The following FOXN3 variants were observed in gnomAD, a reference collection of about 807,000 sequenced individuals.
FOXN3 encodes the protein forkhead box N3.
FOXN3 carries 7 observed loss-of-function variants against 38.4 expected under a neutral mutation model. The ratio of observed to expected loss-of-function variants is 0.18; its 90% CI spans 0.10 to 0.34. The LOEUF is 0.34. Ranked by LOEUF, FOXN3 falls within the 10% of genes least tolerant of loss-of-function variation. The pLI, the probability that FOXN3 is intolerant of heterozygous loss-of-function variation, is 1.00. For synonymous variants in FOXN3, 230 were observed against 242.2 expected (o/e 0.95, Z 0.47); for missense variants, 456 against 613.4 (o/e 0.74, Z 2.71).
At chr14:89,269,217 A>G (rs1886071902) in intron 4 of FOXN3, among the ~76,000 whole-genome samples, 1 of 152,188 alleles carries the variant, frequency 6.6e-6, no homozygotes, top group African/African-American at 2.4e-5. Flanking sequence ...AAGCCCCATT[A>G]GAAATCACAG....
chr14:89,254,909 C>CGCACTTAGCA (rs1308068456), intron 4 of FOXN3, among the ~76,000 whole-genome samples: 6 of 152,240 alleles, frequency 3.9e-5, no homozygotes, highest in Non-Finnish European at 8.8e-5. Context: ...CCACTAACGA[C>CGCACTTAGCA]GCACTTAGCA....
At chr14:89,198,106 A>G (rs114227682) in intron 4 of FOXN3, among the ~76,000 whole-genome samples, 1,755 of 152,300 alleles carry the variant, frequency 0.012, 35 homozygotes, top group African/African-American at 0.04. Flanking sequence ...AATATTAGGG[A>G]AAAATAATTC....
intron 1 of FOXN3, among the ~76,000 whole-genome samples, chr14:89,478,767 A>G (rs1362194785): frequency 6.6e-6 from 1 of 151,848 alleles, no homozygotes; most frequent in Non-Finnish European, 1.5e-5. Flanking sequence ...CCCTGTCTCT[A>G]CTGAAAATAC....
chr14:89,544,714 C>A (rs1024371660), intron 1 of FOXN3, among the ~76,000 whole-genome samples: 1 of 152,148 alleles, frequency 6.6e-6, no homozygotes, highest in African/African-American at 2.4e-5. Flanking sequence ...TAGTACCAAA[C>A]CTTACACACC....
At chr14:89,498,895 T>C (rs981163928) in intron 1 of FOXN3, among the ~76,000 whole-genome samples, 3 of 152,180 alleles carry the variant, frequency 2.0e-5, no homozygotes, top group African/African-American at 7.2e-5. Context: ...CGCTTTGCGA[T>C]GAAAAGCTTT....
In FOXN3 at chr14:89,261,736, T is replaced by C. The variant is rs182830207; in HGVS notation, c.745+19214A>G. Among the ~76,000 whole-genome samples, 265 of 152,176 alleles carry C rather than the reference T, an allele frequency of 1.7e-3. 2 individuals are homozygous for C. Among genetic ancestry groups the C allele is most frequent in the African/African-American group, 6.1e-3 (252 of 41,532 alleles). On this transcript the variant is annotated intron_variant, in intron 4 of 5. Coordinates refer to ENST00000557258, the MANE Select transcript of FOXN3 (RefSeq NM_005197.4). ...CGAGGTCAGGAGATCGAGACCATCCTGGCTAACACGATGAAACCCCGTCTC... is the reference window on the plus strand; with the variant it reads ...CGAGGTCAGGAGATCGAGACCATCCCGGCTAACACGATGAAACCCCGTCTC...
intron 1 of FOXN3, among the ~76,000 whole-genome samples, chr14:89,430,298 C>T (rs1892127933): frequency 1.3e-5 from 2 of 152,292 alleles, no homozygotes; most frequent in South Asian, 4.1e-4. Context: ...TGCTTCAAAA[C>T]CTTACCATAC....
rs550668634 is a variant in FOXN3 at position 89,362,828 on chromosome 14, C to T, written c.544-12020G>A. Among the ~76,000 whole-genome samples, 6 of 146,024 alleles carry T rather than the reference C, an allele frequency of 4.1e-5. No homozygotes were observed. The South Asian group carries it at 1.3e-3, about 33-fold the overall frequency. On this transcript the variant is annotated intron_variant, in intron 2 of 5. Transcript: ENST00000557258. ...ACCTCCACCACCACCACCACCAGGC[C>T]AGAATGCAGACTTCAGTGGGTCACA...
At position 89,252,700 on chromosome 14, in the gene FOXN3, G is replaced by A. The variant is rs149019703; in HGVS notation, c.745+28250C>T. 7.6e-4 allele frequency among the ~76,000 whole-genome samples: 115 copies of A among 150,962 alleles called. 1 individual carries two copies. The highest frequency in any genetic ancestry group is 2.5e-3 in the African/African-American group (101 of 41,046). On this transcript the variant is annotated intron_variant, in intron 4 of 5. Transcript: ENST00000557258. ...TCAGGAAATTTTACATAAATATCTC[G>A]AAGAGGTGTGTGAAGATATGAGGAC...
At chr14:89,245,818 C>T (rs1885278067) in intron 4 of FOXN3, among the ~76,000 whole-genome samples, 3 of 152,200 alleles carry the variant, frequency 2.0e-5, no homozygotes, top group Admixed American at 2.0e-4. Flanking sequence ...GCCGGAGAGG[C>T]AGCCCCCTGA....
intron 1 of FOXN3, among the ~76,000 whole-genome samples, chr14:89,584,660 C>T (rs72705437): frequency 0.03 from 4,604 of 152,154 alleles, 100 homozygotes; most frequent in Non-Finnish European, 0.047. Flanking sequence ...TATTTGTCAT[C>T]CATATATCTC....
At chr14:89,607,991 T>TC (rs1896307895) in intron 1 of FOXN3, among the ~76,000 whole-genome samples, 2 of 150,920 alleles carry the variant, frequency 1.3e-5, no homozygotes, top group South Asian at 4.2e-4. Context: ...TAATTTTTTT[T>TC]TTTTTGAGAC....
chr14:89,505,671 G>C (rs1204436986), intron 1 of FOXN3, among the ~76,000 whole-genome samples: 1 of 152,114 alleles, frequency 6.6e-6, no homozygotes, highest in African/African-American at 2.4e-5. Flanking sequence ...AAAGTGCCGA[G>C]ATTGCAGCCT....
intron 4 of FOXN3, among the ~76,000 whole-genome samples, chr14:89,211,360 C>T (rs116803457): frequency 0.011 from 1,621 of 152,248 alleles, 25 homozygotes; most frequent in African/African-American, 0.037. Context: ...CTGTAGAAAC[C>T]AATTCTCTCT....
chr14:89,173,497 C>T (rs1229432259), intron 5 of FOXN3, among the ~76,000 whole-genome samples: 1 of 152,176 alleles, frequency 6.6e-6, no homozygotes, highest in African/African-American at 2.4e-5. Context: ...AGAATTTCCA[C>T]AGTAGCACTG....
intron 1 of FOXN3, among the ~76,000 whole-genome samples, chr14:89,528,622 C>G (rs556905983): frequency 1.8e-4 from 27 of 151,728 alleles, no homozygotes; most frequent in Non-Finnish European, 3.4e-4. Flanking sequence ...TCTTGAACTC[C>G]TGACCTCAGA....
chr14:89,392,637 CTT>C (rs71130072), intron 2 of FOXN3, among the ~76,000 whole-genome samples: 7,382 of 118,674 alleles, frequency 0.062, 288 homozygotes, highest in African/African-American at 0.18. Flanking sequence ...TGTGTCTCGT[CTT>C]TTTTTTTTTT....
At chr14:89,246,786 G>A (rs1470939098) in intron 4 of FOXN3, among the ~76,000 whole-genome samples, 2 of 151,930 alleles carry the variant, frequency 1.3e-5, no homozygotes, top group East Asian at 3.9e-4. Context: ...TGATCCACCC[G>A]CCTCAGCCTC....
chr14:89,341,154 C>T (rs1470894001), intron 3 of FOXN3, among the ~76,000 whole-genome samples: 3 of 152,172 alleles, frequency 2.0e-5, no homozygotes, highest in African/African-American at 4.8e-5. Flanking sequence ...TGTCTAGCCT[C>T]GACTGGCATC....
Sources: allele counts gnomAD v4.1 joint callset (sites outside exome capture counted in the v4.1 genomes callset), GRCh38; gene constraint gnomAD v4.1.1; transcripts MANE v1.5; gene names NCBI Gene and HGNC (gene_info 2026-07-23, HGNC 2026-07-21).